TRPM3: variants seen among roughly 807,000 people sequenced by gnomAD.
The protein encoded by TRPM3 is long transient receptor potential channel 3.
Under a neutral mutation model 181.2 loss-of-function variants are expected in TRPM3, and 77 were observed. The ratio of observed to expected loss-of-function variants is 0.42; its 90% CI spans 0.35 to 0.51. The LOEUF is 0.51. Ranked by LOEUF, TRPM3 falls within the 20% of genes least tolerant of loss-of-function variation. The pLI is 0.01. For synonymous variants in TRPM3, 745 were observed against 796.4 expected, an observed-to-expected ratio of 0.94 and a Z score of 1.09; for missense variants, 1,759 against 2,196.7, an observed-to-expected ratio of 0.80 and a Z score of 3.98.
At chr9:70,556,234 C>CTT (rs56278773) in intron 22 of TRPM3, among the ~76,000 whole-genome samples, 68 of 146,372 alleles carry the variant, frequency 4.6e-4, no homozygotes, top group African/African-American at 1.1e-3. Context: ...AGCTTAATAT[C>CTT]TTTTTTTTTT....
Position 70,686,418 on chromosome 9 carries a change from T to A in TRPM3, c.1273-4840A>T, listed in dbSNP as rs566568109. Among the ~76,000 whole-genome samples the A allele has an allele frequency of 6.6e-5, 10 of 152,340 alleles. No homozygotes were observed. In the East Asian group the frequency reaches 1.5e-3, roughly 23 times the overall value. On this transcript the variant is annotated intron_variant, in intron 8 of 25. Coordinates refer to ENST00000677713, the MANE Select transcript of TRPM3 (RefSeq NM_001366145.2). ...AAAATAAACTTTGTAGATATGGAAT[T>A]TCTTGGCCTATTAGCTACTCTGAGG...
At chr9:70,635,983 T>C (rs6560147) in intron 11 of TRPM3, among the ~76,000 whole-genome samples, 116,948 of 152,028 alleles carry the variant, frequency 0.77, 46,577 homozygotes, top group East Asian at 0.92. Context: ...CACTTGGGCA[T>C]TCTGCCATCA....
chr9:70,664,928 G>T (rs1375010289), intron 9 of TRPM3, among the ~76,000 whole-genome samples: 1 of 152,062 alleles, frequency 6.6e-6, no homozygotes, highest in Non-Finnish European at 1.5e-5. Flanking sequence ...GGGATTACAG[G>T]CGTGAGCCAC....
chr9:71,308,405 T>C (rs893829463), intron 1 of TRPM3, among the ~76,000 whole-genome samples: 3 of 152,198 alleles, frequency 2.0e-5, no homozygotes, highest in Non-Finnish European at 4.4e-5. Context: ...GGGTTGTTTA[T>C]ACATCTAATT....
chr9:70,568,796 A>G, intron 22 of TRPM3, among the ~76,000 whole-genome samples: 1 of 152,222 alleles, frequency 6.6e-6, no homozygotes, highest in Non-Finnish European at 1.5e-5. Flanking sequence ...ATGCCCAGAT[A>G]TCTGCATTTA....
intron 8 of TRPM3, among the ~76,000 whole-genome samples, chr9:70,757,426 T>C (rs1483400121): frequency 6.6e-6 from 1 of 152,176 alleles, no homozygotes; most frequent in Admixed American, 6.5e-5. Flanking sequence ...CTGGTACCAT[T>C]CCTTCTGAAT....
intron 1 of TRPM3, among the ~76,000 whole-genome samples, chr9:70,872,595 A>G (rs2095806793): frequency 6.6e-6 from 1 of 151,766 alleles, no homozygotes; most frequent in Non-Finnish European, 1.5e-5. Context: ...AGTCCCTCAC[A>G]TTACCTGCCA....
chr9:71,440,101 T>C (rs2309925), intron 1 of TRPM3, among the ~76,000 whole-genome samples: 149,867 of 152,168 alleles, frequency 0.98, 73,835 homozygotes, highest in Non-Finnish European at 1. Context: ...CCAGCCTGGG[T>C]GACACAATGA....
Position 70,591,045 on chromosome 9 carries a change from G to T in TRPM3, c.3209C>A (p.Ala1070Glu). The change falls in exon 22 of 26, where the codon GCG becomes GAG. Residue 1070 changes from alanine to glutamate, a missense_variant. Physicochemically the swap from Ala to Glu is moderately radical, Grantham distance 107. This residue lies in a region of TRPM3 where 94 missense variants were observed against 221.3 expected (regional missense o/e 0.42). Transcript: ENST00000677713. ...PYWMIYGEVF[A>E]DQIDPPCGQN... ...AACTTGCTTACGGTCTATCTGGTCC[G>T]CAAACACTTCCCCATAAATCATCCA... is the stretch of plus-strand genomic sequence containing the variant. 6.2e-7 allele frequency: 1 copy of T among 1,614,122 alleles called. No individual in the cohort carries two copies. The highest frequency in any genetic ancestry group is 8.5e-7 in the Non-Finnish European group (1 of 1,180,026).
At chr9:71,273,345 T>G (rs1233313800) in intron 1 of TRPM3, among the ~76,000 whole-genome samples, 1 of 152,136 alleles carries the variant, frequency 6.6e-6, no homozygotes, top group East Asian at 1.9e-4. Flanking sequence ...GCAAATAATT[T>G]TGACAAGAAA....
intron 1 of TRPM3, among the ~76,000 whole-genome samples, chr9:70,884,643 C>T (rs1030607282): frequency 2.6e-5 from 4 of 152,214 alleles, no homozygotes; most frequent in African/African-American, 4.8e-5. Flanking sequence ...CTGTATACAG[C>T]TATGCCTTTA....
At chr9:71,388,622 G>T (rs1478039117) in intron 1 of TRPM3, among the ~76,000 whole-genome samples, 1 of 152,144 alleles carries the variant, frequency 6.6e-6, no homozygotes, top group Non-Finnish European at 1.5e-5. Context: ...ATAGTTGACA[G>T]AGTACAGAGT....
chr9:71,315,000 G>C (rs551697717), intron 1 of TRPM3, among the ~76,000 whole-genome samples: 1 of 152,242 alleles, frequency 6.6e-6, no homozygotes, highest in East Asian at 1.9e-4. Flanking sequence ...TCTTGTACAA[G>C]GTTCTTGGCC....
At chr9:70,641,703 CACAGAT>C (rs746747496) in intron 9 of TRPM3, among the ~76,000 whole-genome samples, 32 of 152,302 alleles carry the variant, frequency 2.1e-4, no homozygotes, top group Middle Eastern at 3.4e-3. Context: ...AACTGGAAAG[CACAGAT>C]ACAGAACATT....
chr9:71,140,380 A>G (rs941709558), intron 1 of TRPM3, among the ~76,000 whole-genome samples: 19 of 152,046 alleles, frequency 1.2e-4, no homozygotes, highest in African/African-American at 4.6e-4. Flanking sequence ...CCTACTCAAC[A>G]TTGTCTTTCA....
intron 1 of TRPM3, among the ~76,000 whole-genome samples, chr9:71,408,648 G>A (rs990825124): frequency 4.6e-5 from 7 of 152,150 alleles, no homozygotes; most frequent in Middle Eastern, 3.2e-3. Context: ...TGAAAGGGAC[G>A]GGGAGAATGG....
intron 1 of TRPM3, among the ~76,000 whole-genome samples, chr9:70,935,463 C>T (rs1318645514): frequency 2.6e-5 from 4 of 152,222 alleles, no homozygotes; most frequent in Non-Finnish European, 5.9e-5. Context: ...AATTACCTAA[C>T]ATGTTTTTCT....
At chr9:71,255,546 G>A (rs11142757) in intron 1 of TRPM3, among the ~76,000 whole-genome samples, 20,395 of 152,054 alleles carry the variant, frequency 0.13, 1,745 homozygotes, top group Non-Finnish European at 0.19. Flanking sequence ...AAGACATAAT[G>A]CTATATACAA....
At chr9:70,827,079 A>G (rs554357453) in intron 6 of TRPM3, 1 of 152,348 alleles carries the variant, frequency 6.6e-6, no homozygotes, top group South Asian at 2.1e-4. Context: ...ACTATGTACT[A>G]TGTGGTTCAC....
Sources: allele counts gnomAD v4.1 joint callset (sites outside exome capture counted in the v4.1 genomes callset), GRCh38; gene constraint gnomAD v4.1.1; regional missense constraint gnomAD v4.1.1; transcripts MANE v1.5; gene names NCBI Gene and HGNC (gene_info 2026-07-23, HGNC 2026-07-21).